Variants in DOK5 observed in about 807,000 individuals in gnomAD.
The protein encoded by DOK5 is docking protein 5.
In DOK5, 27 loss-of-function variants were observed where a neutral mutation model predicts 43.3. The observed-to-expected ratio is 0.62, with a 90% CI of 0.46 to 0.86. The LOEUF is 0.86. Among genes scored for constraint, DOK5 ranks in the 40% least tolerant of loss-of-function variants. The pLI is 0.00. For missense variants in DOK5, 373 were observed against 392.9 expected, an observed-to-expected ratio of 0.95 and a Z score of 0.43; for synonymous variants, 146 against 140.1, an observed-to-expected ratio of 1.04 and a Z score of -0.30.
chr20:54,538,650 C>A (rs73911939), intron 1 of DOK5, among the ~76,000 whole-genome samples: 3,783 of 152,148 alleles, frequency 0.025, 152 homozygotes, highest in African/African-American at 0.086. Context: ...ATGTTTCTAA[C>A]TGGATATAGA....
At chr20:54,605,239 A>T (rs1359584521) in intron 5 of DOK5, among the ~76,000 whole-genome samples, 1 of 152,146 alleles carries the variant, frequency 6.6e-6, no homozygotes, top group East Asian at 1.9e-4. Context: ...TTACTTATTC[A>T]TTCTGTCTAC....
intron 1 of DOK5, among the ~76,000 whole-genome samples, chr20:54,534,120 A>G (rs752414096): frequency 6.6e-6 from 1 of 152,202 alleles, no homozygotes; most frequent in Non-Finnish European, 1.5e-5. Context: ...TTTTTGATCA[A>G]ACCTTGGGAA....
intron 2 of DOK5, among the ~76,000 whole-genome samples, chr20:54,578,378 C>T (rs1010336576): frequency 6.6e-6 from 1 of 151,922 alleles, no homozygotes; most frequent in African/African-American, 2.4e-5. Context: ...AATTTTAGCT[C>T]CATTTCAAGA....
intron 1 of DOK5, among the ~76,000 whole-genome samples, chr20:54,543,946 T>C (rs1249117605): frequency 1.3e-5 from 2 of 152,196 alleles, no homozygotes; most frequent in Non-Finnish European, 2.9e-5. Context: ...CCTTAATTAT[T>C]TCCTCAAAGG....
In DOK5 at chr20:54,591,630, T is replaced by C; in HGVS notation, c.424T>C (p.Tyr142His). The change falls in exon 5 of 8, where the codon TAT (tyrosine) becomes CAT (histidine). Residue 142 changes from tyrosine to histidine, a missense_variant. Physicochemically the swap from Tyr to His is moderately conservative, Grantham distance 83. Transcript: ENST00000262593. ...EREQSERFNV[Y>H]LMPSPNLDVH... ...TTTTCTCCCAGAGAGATTCAATGTG[T>C]ATTTGATGCCATCTCCTAACTTAGA... 6.2e-7 allele frequency: 1 copy of C among 1,609,660 alleles called. No homozygotes were observed. Among genetic ancestry groups the C allele is most frequent in the Non-Finnish European group, 8.5e-7 (1 of 1,178,168 alleles).
intron 2 of DOK5, among the ~76,000 whole-genome samples, chr20:54,570,285 T>C (rs1003695790): frequency 6.6e-6 from 1 of 152,210 alleles, no homozygotes; most frequent in Non-Finnish European, 1.5e-5. Flanking sequence ...TTCAGAAACA[T>C]TGTGGACTCA....
intron 1 of DOK5, among the ~76,000 whole-genome samples, chr20:54,550,591 T>G (rs1322282850): frequency 1.3e-5 from 2 of 152,232 alleles, no homozygotes; most frequent in African/African-American, 4.8e-5. Context: ...GTTTTCCGTT[T>G]CTATAATTTT....
intron 2 of DOK5, among the ~76,000 whole-genome samples, chr20:54,564,414 A>G (rs1027792935): frequency 6.6e-6 from 1 of 151,996 alleles, no homozygotes; most frequent in African/African-American, 2.4e-5. Context: ...CTCGGCGACA[A>G]AGCAAGACTC....
chr20:54,500,654 C>T (rs746510768), intron 1 of DOK5, among the ~76,000 whole-genome samples: 151 of 151,370 alleles, frequency 1.0e-3, no homozygotes, highest in African/African-American at 3.3e-3. Flanking sequence ...CTCTACCTCC[C>T]GGATTCAAGC....
At position 54,630,881 on chromosome 20, in the gene DOK5, C is replaced by T. The variant is rs368691054; in HGVS notation, c.736-12577C>T. Among the ~76,000 whole-genome samples the T allele has an allele frequency of 1.3e-4, 20 of 152,066 alleles. No individual in the cohort carries two copies. In the East Asian group the frequency reaches 2.7e-3, roughly 21 times the overall value. On this transcript the variant is annotated intron_variant, in intron 6 of 7. Transcript: ENST00000262593. ...TGAAATTCTAATATTCATTTAAAAACCGGTTATCAGAACAGTCTTCAATAT... is the reference window on the plus strand; with the variant it reads ...TGAAATTCTAATATTCATTTAAAAATCGGTTATCAGAACAGTCTTCAATAT...
At chr20:54,643,698 G>C in intron 7 of DOK5, 120 bp downstream of exon 7, 2 of 1,351,270 alleles carry the variant, frequency 1.5e-6, no homozygotes, top group Non-Finnish European at 2.0e-6. Context: ...TCCAAAGGTA[G>C]GACCCCCATC....
chr20:54,626,843 G>A (rs1359131280), intron 6 of DOK5, among the ~76,000 whole-genome samples: 2 of 152,218 alleles, frequency 1.3e-5, no homozygotes, highest in African/African-American at 4.8e-5. Context: ...TAATTCAGAG[G>A]TTGACAAACT....
At chr20:54,607,907 A>AAAACAAAAC (rs1417325600) in intron 5 of DOK5, among the ~76,000 whole-genome samples, 15 of 75,266 alleles carry the variant, frequency 2.0e-4, no homozygotes, top group Middle Eastern at 4.9e-3. Context: ...AAAACAAAAC[A>AAAACAAAAC]AAACAAAACA....
rs376962798 is a variant in DOK5, at chr20:54,603,985, C to T, written c.600-6403C>T. On this transcript the variant is annotated intron_variant, in intron 5 of 7. Transcript: ENST00000262593. ...TTTTTGAGACGGAGTCTTGCTCTGTCGCCCAGGCTGGAGTGCAGTGGCGCG... is the reference window on the plus strand; with the variant it reads ...TTTTTGAGACGGAGTCTTGCTCTGTTGCCCAGGCTGGAGTGCAGTGGCGCG... 3.5e-3 allele frequency among the ~76,000 whole-genome samples: 424 copies of T among 119,796 alleles called. 5 individuals carry two copies. In the South Asian group the frequency reaches 0.046, roughly 13 times the overall value. The allele number at this position is 119,796 out of a possible 152,430, so 78.6% of individuals were successfully genotyped here. A position where few individuals can be genotyped will look rare whatever the true frequency, so the allele number is the denominator to read the frequency against.
intron 6 of DOK5, among the ~76,000 whole-genome samples, chr20:54,622,117 C>T (rs1476220986): frequency 6.6e-6 from 1 of 151,902 alleles, no homozygotes; most frequent in Non-Finnish European, 1.5e-5. Context: ...TCGCTTGAAC[C>T]CAGGAGTCGG....
intron 1 of DOK5, among the ~76,000 whole-genome samples, chr20:54,497,963 C>T (rs868614897): frequency 1.6e-4 from 25 of 152,064 alleles, no homozygotes; most frequent in South Asian, 2.1e-4. Context: ...TTTAGTGAAT[C>T]TATTTAAGTT....
chr20:54,521,510 T>A (rs1399424360), intron 1 of DOK5, among the ~76,000 whole-genome samples: 1 of 152,136 alleles, frequency 6.6e-6, no homozygotes, highest in African/African-American at 2.4e-5. Flanking sequence ...TTATAAAGGA[T>A]TCGACTCAGG....
intron 1 of DOK5, among the ~76,000 whole-genome samples, chr20:54,512,793 C>T (rs906588588): frequency 3.3e-5 from 5 of 152,160 alleles, no homozygotes; most frequent in Non-Finnish European, 5.9e-5. Flanking sequence ...GGAAGCCCAT[C>T]ACCAGAGCAC....
chr20:54,617,537 G>T lies in DOK5; in HGVS notation c.735+7014G>T, dbSNP rs145629057. Among the ~76,000 whole-genome samples, 786 of 151,954 alleles carry T rather than the reference G, an allele frequency of 5.2e-3. 9 individuals carry two copies. The highest frequency in any genetic ancestry group is 0.016 in the African/African-American group (679 of 41,438). On this transcript the variant is annotated intron_variant, in intron 6 of 7. Coordinates refer to ENST00000262593, the MANE Select transcript of DOK5 (RefSeq NM_018431.5). Reference sequence around the variant, plus strand: ...GAGGTCTCCCTATAATGTTGCCCAGGCTGGTCTCAAACTCTGGGTTTAAGC... The same window carrying T: ...GAGGTCTCCCTATAATGTTGCCCAGTCTGGTCTCAAACTCTGGGTTTAAGC...
Sources: gnomAD v4.1 joint callset for allele counts (sites outside exome capture counted in the v4.1 genomes callset) on GRCh38, gnomAD v4.1.1 for gene constraint, MANE v1.5 for transcripts, NCBI Gene and HGNC (gene_info 2026-07-23, HGNC 2026-07-21) for gene names.